Variants in THNSL1 observed in about 807,000 individuals in gnomAD.
The protein encoded by THNSL1 is threonine synthase like 1, also known as threonine synthase-like 1.
Under a neutral mutation model 50.4 loss-of-function variants are expected in THNSL1, and 48 were observed. The observed-to-expected ratio is 0.95, with a 90% CI of 0.76 to 1.21. THNSL1 has a LOEUF of 1.21. THNSL1 is among the 50% of genes most tolerant of loss of function. THNSL1 has a pLI of 0.00. For missense variants in THNSL1, 896 were observed against 871.7 expected (o/e 1.03, Z -0.35); for synonymous variants, 309 against 306.1 (o/e 1.01, Z -0.10).
At chr10:24,981,081 C>T in the THNSL1 span, among the ~76,000 whole-genome samples, 108 of 152,304 alleles carry the variant, frequency 7.1e-4, no homozygotes, top group African/African-American at 2.5e-3. Context: ...ACAGAATGCA[C>T]TGATTATGGG....
At chr10:24,990,630 A>G in the THNSL1 span, 1 of 1,586,590 alleles carries the variant, frequency 6.3e-7, no homozygotes. Flanking sequence ...TTTGCAGAAA[A>G]AAGTAATCAA....
At chr10:25,010,613 G>T in the THNSL1 span, among the ~76,000 whole-genome samples, 1 of 142,844 alleles carries the variant, frequency 7.0e-6, no homozygotes, top group Admixed American at 7.2e-5. Flanking sequence ...CCCCACAACA[G>T]TCCCCAGAGT....
the THNSL1 span, among the ~76,000 whole-genome samples, chr10:24,972,656 A>C: frequency 6.6e-6 from 1 of 152,198 alleles, no homozygotes. Flanking sequence ...CTTAGGAGGA[A>C]AGACCAATAT....
At chr10:24,993,857 T>A in the THNSL1 span, among the ~76,000 whole-genome samples, 2 of 152,010 alleles carry the variant, frequency 1.3e-5, no homozygotes, top group Admixed American at 1.3e-4. Flanking sequence ...AGGGGCAGAG[T>A]GTGTGACAGG....
In THNSL1 at chr10:25,024,604, T is replaced by G. The variant is rs1345473118; in HGVS notation, c.1381T>G (p.Tyr461Asp). The change falls in exon 3 of 3, where the codon TAT (tyrosine) becomes GAT (aspartate). Residue 461 changes from tyrosine to aspartate, a missense_variant. By Grantham distance (160) the Tyr-to-Asp change is radical (BLOSUM62 -3). Transcript: ENST00000376356. ...TTTTACTGGCTTTCTTACTGTGGAA[T>G]ATGGAACAATCTTAAGTTCGGCTAA... Reference protein sequence around the residue: ...SDFTGFLTVEYGTILSSANSI... With the variant: ...SDFTGFLTVEDGTILSSANSI... The G allele has an allele frequency of 2.5e-6, 4 of 1,614,226 alleles. No homozygotes were observed. The highest frequency in any genetic ancestry group is 3.4e-6 in the Non-Finnish European group (4 of 1,180,038).
At chr10:24,954,260 G>A in the THNSL1 span, among the ~76,000 whole-genome samples, 1 of 152,136 alleles carries the variant, frequency 6.6e-6, no homozygotes, top group African/African-American at 2.4e-5. Flanking sequence ...ACTGGGTGGG[G>A]AAGATCTGTG....
the THNSL1 span, among the ~76,000 whole-genome samples, chr10:25,001,743 T>C: frequency 6.6e-6 from 1 of 152,200 alleles, no homozygotes; most frequent in Non-Finnish European, 1.5e-5. Context: ...TTTCCCCATC[T>C]TGGTTCATGC....
At chr10:24,984,285 G>A in the THNSL1 span, 1 of 1,447,960 alleles carries the variant, frequency 6.9e-7, no homozygotes, top group Non-Finnish European at 9.5e-7. Context: ...ACAATGTGTT[G>A]GAGACAGTTT....
Position 25,023,316 on chromosome 10 carries a change from A to C in THNSL1, c.93A>C (p.Arg31=), listed in dbSNP as rs1564349166. 1.9e-6 allele frequency: 3 copies of C among 1,614,144 alleles called. No individual in the cohort carries two copies. The highest frequency in any genetic ancestry group is 2.5e-6 in the Non-Finnish European group (3 of 1,180,000). Residue 31 remains arginine, a synonymous_variant, in exon 3 of 3, where the codon CGA becomes CGC. Transcript: ENST00000376356. The stretch of plus-strand genomic sequence containing the variant: ...TTAAAACGGATAAACATGCACAGCG[A>C]TTTCTTTCAAGAACCTTTGCACTTG... ...IHVKTDKHAQ[R]FLSRTFALAE...
chr10:24,979,852 T>C, the THNSL1 span, among the ~76,000 whole-genome samples: 4 of 152,214 alleles, frequency 2.6e-5, no homozygotes, highest in African/African-American at 9.6e-5. Flanking sequence ...TGCCCTAGGT[T>C]TCCCCAGTTC....
rs1205216379 is a variant in THNSL1, at chr10:25,026,241, A to G, written c.*786A>G. 1 of 166,882 alleles carries G rather than the reference A, an allele frequency of 6.0e-6. No homozygotes were observed. 10.3% of individuals were successfully genotyped at this position (166,882 alleles called of 1,614,324 possible). On this transcript the variant is annotated 3_prime_UTR_variant, in exon 3 of 3. Coordinates refer to ENST00000376356, the MANE Select transcript of THNSL1 (RefSeq NM_024838.5). ...GGACTACAACTAATGTGTATCTCAC[A>G]CTGTCCAAATTAAAGATGTACTCTG...
intron 1 of THNSL1, among the ~76,000 whole-genome samples, chr10:25,021,404 G>A (rs932009764): frequency 6.6e-6 from 1 of 152,134 alleles, no homozygotes; most frequent in African/African-American, 2.4e-5. Context: ...GCTTTAGTCT[G>A]CTGACTTTTT....
chr10:24,992,882 C>T, the THNSL1 span, among the ~76,000 whole-genome samples: 1 of 152,166 alleles, frequency 6.6e-6, no homozygotes, highest in African/African-American at 2.4e-5. Context: ...ACAGGCCAAT[C>T]CACTTCAGGA....
upstream of THNSL1, chr10:25,016,193 G>C (rs1349144523): frequency 8.5e-7 from 1 of 1,174,616 alleles, no homozygotes; most frequent in Non-Finnish European, 1.1e-6. Flanking sequence ...AGGCAACGAG[G>C]AAGTGGCAGG....
upstream of THNSL1, among the ~76,000 whole-genome samples, chr10:25,015,457 G>A (rs1280412646): frequency 6.6e-6 from 1 of 152,184 alleles, no homozygotes; most frequent in African/African-American, 2.4e-5. Context: ...AGGGAGTAGT[G>A]CAGTTAGAAA....
At chr10:24,993,786 A>G in the THNSL1 span, among the ~76,000 whole-genome samples, 1 of 152,172 alleles carries the variant, frequency 6.6e-6, no homozygotes, top group Non-Finnish European at 1.5e-5. Flanking sequence ...GGATACTCCA[A>G]ATTTCCTGTT....
At chr10:25,018,460 T>C (rs1850654071) in intron 1 of THNSL1, among the ~76,000 whole-genome samples, 1 of 152,198 alleles carries the variant, frequency 6.6e-6, no homozygotes, top group Non-Finnish European at 1.5e-5. Flanking sequence ...TACTCAGTTT[T>C]GCCATTGTAG....
Position 25,024,657 on chromosome 10 carries a change from G to T in THNSL1, c.1434G>T (p.Pro478=). ...ANSINWGRLL[P]QVVYHASAYL... is the part of the protein sequence containing the mutation. ...CCATAAACTGGGGCCGACTACTTCCGCAGGTAGTTTATCATGCTTCCGCAT... is the reference window on the plus strand; with the variant it reads ...CCATAAACTGGGGCCGACTACTTCCTCAGGTAGTTTATCATGCTTCCGCAT... Residue 478 remains proline (P), a synonymous_variant, in exon 3 of 3, where the codon CCG becomes CCT. Coordinates refer to ENST00000376356, the MANE Select transcript of THNSL1 (RefSeq NM_024838.5). 1 of 1,614,194 alleles carries T rather than the reference G, an allele frequency of 6.2e-7. No homozygotes were observed. Among genetic ancestry groups the T allele is most frequent in the South Asian group, 1.1e-5 (1 of 91,084 alleles).
the THNSL1 span, among the ~76,000 whole-genome samples, chr10:24,980,691 C>T: frequency 2.0e-5 from 3 of 151,964 alleles, no homozygotes; most frequent in Admixed American, 6.6e-5. Flanking sequence ...CTGTTTTAGC[C>T]AAAGTACCTG....
Sources: gnomAD v4.1 joint callset for allele counts (sites outside exome capture counted in the v4.1 genomes callset) on GRCh38, gnomAD v4.1.1 for gene constraint, MANE v1.5 for transcripts, NCBI Gene and HGNC (gene_info 2026-07-23, HGNC 2026-07-21) for gene names.